Variants in NUBPL observed in about 807,000 individuals in gnomAD.
NUBPL encodes iron-sulfur cluster transfer protein NUBPL.
Under a neutral mutation model 45.7 loss-of-function variants are expected in NUBPL, and 31 were observed. That is an observed-to-expected ratio of 0.68 (90% CI 0.51 to 0.92). The LOEUF (loss-of-function observed/expected upper bound fraction) is 0.92. Among genes scored for constraint, NUBPL ranks in the 40% least tolerant of loss-of-function variants. The pLI is 0.00. For synonymous variants in NUBPL, 144 were observed against 140.9 expected (o/e 1.02, Z -0.15); for missense variants, 401 against 398.7 (o/e 1.01, Z -0.05).
intron 4 of NUBPL, among the ~76,000 whole-genome samples, chr14:31,622,714 C>T (rs569155056): frequency 6.6e-6 from 1 of 152,342 alleles, no homozygotes; most frequent in African/African-American, 2.4e-5. Flanking sequence ...GCTCAGAAGA[C>T]AAGAGTTCAG....
chr14:31,758,112 T>G (rs1216430293), intron 6 of NUBPL, among the ~76,000 whole-genome samples: 3 of 152,190 alleles, frequency 2.0e-5, no homozygotes, highest in Admixed American at 6.5e-5. Flanking sequence ...TGATGTCTCC[T>G]TTTATATTTA....
At chr14:31,739,590 A>G (rs534620729) in intron 6 of NUBPL, among the ~76,000 whole-genome samples, 3 of 152,224 alleles carry the variant, frequency 2.0e-5, no homozygotes, top group African/African-American at 7.2e-5. Context: ...ACACATGCAT[A>G]GCCTTTCCTA....
At chr14:31,640,567 A>T (rs921816812) in intron 4 of NUBPL, among the ~76,000 whole-genome samples, 1 of 150,740 alleles carries the variant, frequency 6.6e-6, no homozygotes, top group African/African-American at 2.4e-5. Context: ...GTGAGTTAAG[A>T]TCACACCACT....
chr14:31,839,085 A>G (rs1326981620), intron 8 of NUBPL, among the ~76,000 whole-genome samples: 1 of 152,188 alleles, frequency 6.6e-6, no homozygotes, highest in Non-Finnish European at 1.5e-5. Context: ...GGTTGTTTTT[A>G]TATACAAGTT....
intron 4 of NUBPL, among the ~76,000 whole-genome samples, chr14:31,667,347 T>C (rs905388081): frequency 1.1e-4 from 17 of 151,950 alleles, no homozygotes; most frequent in African/African-American, 2.9e-4. Context: ...AATTCGACTA[T>C]TGATACTTGT....
At chr14:31,643,297 G>T (rs1046477541) in intron 4 of NUBPL, among the ~76,000 whole-genome samples, 1 of 151,762 alleles carries the variant, frequency 6.6e-6, no homozygotes, top group Non-Finnish European at 1.5e-5. Flanking sequence ...TGGGTTATAC[G>T]GCCTTTATTA....
At chr14:31,714,407 T>C (rs1011417860) in intron 6 of NUBPL, among the ~76,000 whole-genome samples, 2 of 152,194 alleles carry the variant, frequency 1.3e-5, no homozygotes, top group South Asian at 4.1e-4. Flanking sequence ...GAGGTTTAAC[T>C]GGCTGATGGT....
intron 6 of NUBPL, among the ~76,000 whole-genome samples, chr14:31,711,636 T>TTTG (rs1019884359): frequency 6.6e-5 from 10 of 152,098 alleles, no homozygotes; most frequent in Admixed American, 1.3e-4. Context: ...AAAGATGGTG[T>TTTG]GTCCAGAGTT....
chr14:31,644,144 A>G (rs189016430), intron 4 of NUBPL, among the ~76,000 whole-genome samples: 158 of 151,034 alleles, frequency 1.0e-3, no homozygotes, highest in African/African-American at 3.5e-3. Context: ...AATTTCATTT[A>G]TTTTTGCCCT....
chr14:31,820,748 C>T (rs535989590), intron 7 of NUBPL, among the ~76,000 whole-genome samples: 2 of 150,322 alleles, frequency 1.3e-5, no homozygotes, highest in South Asian at 2.1e-4. Flanking sequence ...TGCTTGAATC[C>T]GGGAGGTGGA....
chr14:31,597,988 T>G (rs921849149), intron 3 of NUBPL, among the ~76,000 whole-genome samples: 3 of 152,170 alleles, frequency 2.0e-5, no homozygotes, highest in Non-Finnish European at 4.4e-5. Flanking sequence ...CATTGACTGT[T>G]CCTCCCTTCT....
In NUBPL at chr14:31,563,133, C is replaced by G. The variant is rs565704327; in HGVS notation, c.256+918C>G. Among the ~76,000 whole-genome samples the G allele has an allele frequency of 2.0e-4, 30 of 152,216 alleles. 1 individual carries two copies. The highest frequency in any genetic ancestry group is 6.8e-3 in the Middle Eastern group (2 of 294). ...TCTTTCCTAAAGGTTTACAATCCAT[C>G]TGGTTGTTTTTAAAATTTAGAAGCT... On this transcript the variant is annotated intron_variant, in intron 2 of 10. Transcript: ENST00000281081.
rs899033508 is a variant in NUBPL at position 31,705,535 on chromosome 14, G to C, written c.513+31961G>C. On this transcript the variant is annotated intron_variant, in intron 6 of 10. Coordinates refer to ENST00000281081, the MANE Select transcript of NUBPL (RefSeq NM_025152.3). ...AACCTTTGGCTAGACACAGAGTGCT[G>C]ATTGGTGCATTTACAATCCTTTAGC... 3.9e-5 allele frequency among the ~76,000 whole-genome samples: 6 copies of C among 152,208 alleles called. No homozygotes were observed. The South Asian group carries it at 8.3e-4, about 21-fold the overall frequency.
intron 4 of NUBPL, among the ~76,000 whole-genome samples, chr14:31,624,181 G>T (rs1463045418): frequency 6.6e-6 from 1 of 152,168 alleles, no homozygotes; most frequent in Non-Finnish European, 1.5e-5. Flanking sequence ...GAGAATGGAT[G>T]AATAGACCTT....
chr14:31,678,248 G>A (rs1566495275), intron 6 of NUBPL, among the ~76,000 whole-genome samples: 2 of 152,196 alleles, frequency 1.3e-5, no homozygotes. Context: ...CCATCCAAGA[G>A]CCAAGGGACC....
chr14:31,652,428 A>G (rs972521024), intron 4 of NUBPL, among the ~76,000 whole-genome samples: 1 of 152,188 alleles, frequency 6.6e-6, no homozygotes. Context: ...GAAAATTGCT[A>G]AGAGAGTACA....
chr14:31,652,429 A>C (rs1182640235), intron 4 of NUBPL, among the ~76,000 whole-genome samples: 3 of 152,184 alleles, frequency 2.0e-5, no homozygotes, highest in Admixed American at 2.0e-4. Flanking sequence ...AAAATTGCTA[A>C]GAGAGTACAT....
At chr14:31,813,842 A>G (rs1278690442) in intron 7 of NUBPL, among the ~76,000 whole-genome samples, 2 of 152,174 alleles carry the variant, frequency 1.3e-5, no homozygotes, top group Non-Finnish European at 2.9e-5. Flanking sequence ...AGCTTCATCC[A>G]TGTCCCTACA....
At chr14:31,657,914 T>C (rs1380261906) in intron 4 of NUBPL, among the ~76,000 whole-genome samples, 2 of 152,238 alleles carry the variant, frequency 1.3e-5, no homozygotes, top group Middle Eastern at 3.4e-3. Flanking sequence ...TCAGAACTAA[T>C]AGAAGAAAAA....
Sources: allele counts gnomAD v4.1 joint callset (sites outside exome capture counted in the v4.1 genomes callset), GRCh38; gene constraint gnomAD v4.1.1; transcripts MANE v1.5; gene names NCBI Gene and HGNC (gene_info 2026-07-23, HGNC 2026-07-21).